DNAJC2: variants seen among roughly 807,000 people sequenced by gnomAD.
The protein encoded by DNAJC2 is dnaJ homolog subfamily C member 2.
DNAJC2 carries 32 observed loss-of-function variants against 94.0 expected under a neutral mutation model. That is an observed-to-expected ratio of 0.34 (90% confidence interval 0.26 to 0.46). The LOEUF (loss-of-function observed/expected upper bound fraction) is 0.46, where lower values mean the gene tolerates loss of function less well. DNAJC2 is among the 20% of genes least tolerant of loss of function. The probability of loss-of-function intolerance (pLI) is 1.00; values close to 1 mark genes in which losing one functional copy is unlikely to be tolerated. For synonymous variants in DNAJC2, 210 were observed against 229.7 expected, an observed-to-expected ratio of 0.91 and a Z score of 0.77; for missense variants, 550 against 719.5, an observed-to-expected ratio of 0.76 and a Z score of 2.69.
In DNAJC2 at chr7:103,319,774, T is replaced by A; in HGVS notation, c.1154A>T (p.Asp385Val). ...KMMEEVEKLCDRLELASLQCL... is the reference protein window; with the variant it reads ...KMMEEVEKLCVRLELASLQCL... ...GGTATACCTTGCCAGTTCAAGCCGA[T>A]CACAAAGTTTTTCCACTTCTTCCAT... The change falls in exon 11 of 17, where the codon GAT (aspartate) becomes GTT (valine). Residue 385 changes from aspartate (D) to valine (V), a missense_variant. By Grantham distance (152) the Asp-to-Val change is radical. Coordinates refer to ENST00000379263, the MANE Select transcript of DNAJC2 (RefSeq NM_014377.3). 1 of 1,614,176 alleles carries A rather than the reference T, an allele frequency of 6.2e-7. No individual in the cohort carries two copies. The highest frequency in any genetic ancestry group is 1.1e-5 in the South Asian group (1 of 91,088).
chr7:103,315,772 C>G lies in DNAJC2; in HGVS notation c.1628G>C (p.Arg543Pro), dbSNP rs758912278. The part of the protein sequence containing the change: ...PQADNATPSE[R>P]FEGPYTDFTP... ...AGAAAAGCAAAATTTACCTTCAAAT[C>G]GTTCTGAAGGCGTTGCGTTGTCTGC... is the stretch of plus-strand genomic sequence containing the variant. Residue 543 changes from arginine to proline, a missense_variant, in exon 15 of 17, where the codon CGA (arginine) becomes CCA (proline). This residue lies in a region of DNAJC2 where 271 missense variants were observed against 302.6 expected (regional missense o/e 0.90). Coordinates refer to ENST00000379263, the MANE Select transcript of DNAJC2 (RefSeq NM_014377.3). The G allele has an allele frequency of 1.9e-6, 3 of 1,612,820 alleles. No homozygotes were observed. Among genetic ancestry groups the G allele is most frequent in the Non-Finnish European group, 2.5e-6 (3 of 1,179,244 alleles).
intron 10 of DNAJC2, among the ~76,000 whole-genome samples, chr7:103,321,629 C>T (rs1818420798): frequency 6.6e-6 from 1 of 151,616 alleles, no homozygotes; most frequent in African/African-American, 2.4e-5. Context: ...GGGGAGATCA[C>T]TTGAGGTCAG....
intron 1 of DNAJC2, among the ~76,000 whole-genome samples, chr7:103,342,755 C>T (rs1229559770): frequency 6.6e-6 from 1 of 151,172 alleles, no homozygotes; most frequent in Non-Finnish European, 1.5e-5. Context: ...ACTACAGGCA[C>T]CCGCCACCAC....
chr7:103,328,632 AAAAG>A (rs1171497206), intron 3 of DNAJC2, among the ~76,000 whole-genome samples: 1 of 149,460 alleles, frequency 6.7e-6, no homozygotes, highest in African/African-American at 2.6e-5. Flanking sequence ...CTCTGTGTCA[AAAAG>A]AAGAAGAAGA....
At position 103,322,803 on chromosome 7, in the gene DNAJC2, T is replaced by C. The variant is rs369882464; in HGVS notation, c.720-9A>G. 103 of 1,595,836 alleles carry C rather than the reference T, an allele frequency of 6.5e-5. No homozygotes were observed. The highest frequency in any genetic ancestry group is 1.9e-4 in the African/African-American group (14 of 74,782). On this transcript the variant is annotated splice_polypyrimidine_tract_variant and intron_variant, in intron 7 of 16. Transcript: ENST00000379263. ...ATCTCCTCTCATCACGACTATAAAA[T>C]AGAAAATATTGGAAACAAACTACTG...
chr7:103,337,968 T>G (rs142739121), intron 2 of DNAJC2, among the ~76,000 whole-genome samples, 157 bp from the exon 3 acceptor site: 3 of 152,224 alleles, frequency 2.0e-5, no homozygotes, highest in Admixed American at 2.0e-4. Flanking sequence ...TCAGGTAAGG[T>G]TGAGAAATGT....
At chr7:103,333,174 A>T (rs1819041016) in intron 3 of DNAJC2, among the ~76,000 whole-genome samples, 1 of 152,100 alleles carries the variant, frequency 6.6e-6, no homozygotes, top group African/African-American at 2.4e-5. Context: ...GTATTTGTTT[A>T]TTCTTCTTAT....
chr7:103,320,656 A>G (rs1317905222), intron 10 of DNAJC2, among the ~76,000 whole-genome samples: 3 of 150,992 alleles, frequency 2.0e-5, no homozygotes, highest in Non-Finnish European at 4.4e-5. Context: ...AGGCAGGAGC[A>G]TGGCGTGAAC....
chr7:103,344,279 G>A (rs1819510098), intron 1 of DNAJC2: 1 of 522,376 alleles, frequency 1.9e-6, no homozygotes, highest in Admixed American at 3.5e-5. Context: ...GGGTGCTGGG[G>A]GGTTCCGTCC....
chr7:103,319,786 T>G lies in DNAJC2; in HGVS notation c.1142A>C (p.Glu381Ala). ...CAGTTCAAGCCGATCACAAAGTTTT[T>G]CCACTTCTTCCATCATTTTAACCCG... is the stretch of plus-strand genomic sequence containing the variant. ...AERVKMMEEV[E>A]KLCDRLELAS... The change falls in exon 11 of 17, where the codon GAA (glutamate) becomes GCA (alanine). Residue 381 changes from glutamate to alanine, a missense_variant. Physicochemically the swap from Glu to Ala is moderately radical, Grantham distance 107 (BLOSUM62 -1). This residue lies in a region of DNAJC2 where 271 missense variants were observed against 302.6 expected (regional missense o/e 0.90). Coordinates refer to ENST00000379263, the MANE Select transcript of DNAJC2 (RefSeq NM_014377.3). 6.2e-7 allele frequency: 1 copy of G among 1,614,194 alleles called. No individual in the cohort carries two copies. Among genetic ancestry groups the G allele is most frequent in the Non-Finnish European group, 8.5e-7 (1 of 1,180,038 alleles).
At position 103,312,551 on chromosome 7, in the gene DNAJC2, C is replaced by G; in HGVS notation, c.*18G>C. 1.3e-6 allele frequency: 2 copies of G among 1,599,730 alleles called. No individual in the cohort carries two copies. The highest frequency in any genetic ancestry group is 1.7e-6 in the Non-Finnish European group (2 of 1,176,034). On this transcript the variant is annotated 3_prime_UTR_variant, in exon 17 of 17. Coordinates refer to ENST00000379263, the MANE Select transcript of DNAJC2 (RefSeq NM_014377.3). ...TATTTTCAGTTTTATTATAAAAATGCACACACAACAAAGATTGTCATTTCT... is the reference window on the plus strand; with the variant it reads ...TATTTTCAGTTTTATTATAAAAATGGACACACAACAAAGATTGTCATTTCT...
intron 3 of DNAJC2, chr7:103,329,045 A>G (rs970549052): frequency 3.3e-6 from 4 of 1,202,448 alleles, no homozygotes; most frequent in Middle Eastern, 4.5e-4. Context: ...CAGCCACAGT[A>G]CGTCTAATTA....
chr7:103,340,010 G>C (rs530758711), intron 2 of DNAJC2, among the ~76,000 whole-genome samples: 1 of 152,140 alleles, frequency 6.6e-6, no homozygotes, highest in African/African-American at 2.4e-5. Flanking sequence ...GGCTAATTTT[G>C]TATTTTTAGT....
intron 15 of DNAJC2, chr7:103,313,385 C>A (rs948095120): frequency 9.1e-7 from 1 of 1,101,596 alleles, no homozygotes; most frequent in Non-Finnish European, 1.1e-6. Context: ...AATACACTCA[C>A]CAGACTGGTA....
intron 15 of DNAJC2, 140 bp downstream of exon 15, chr7:103,315,624 C>A (rs961602015): frequency 4.9e-5 from 28 of 573,936 alleles, no homozygotes; most frequent in Middle Eastern, 3.8e-4. Context: ...AATCTTTGCC[C>A]TGGAAATGTT....
intron 12 of DNAJC2, among the ~76,000 whole-genome samples, chr7:103,317,607 A>T (rs572478470): frequency 2.0e-5 from 3 of 152,128 alleles, no homozygotes; most frequent in South Asian, 4.2e-4. Flanking sequence ...ACCTTGAAAA[A>T]TTTTTTTGAT....
chr7:103,340,348 G>T (rs139666323), intron 2 of DNAJC2, among the ~76,000 whole-genome samples: 4 of 152,246 alleles, frequency 2.6e-5, no homozygotes, highest in African/African-American at 7.2e-5. Flanking sequence ...AATGGATGAG[G>T]TGGTGGGAGA....
At position 103,319,930 on chromosome 7, in the gene DNAJC2, G is replaced by A. The variant is rs552780373; in HGVS notation, c.1084-86C>T. 3.3e-5 allele frequency: 47 copies of A among 1,431,664 alleles called. 1 individual carries two copies. In the Middle Eastern group the frequency reaches 2.7e-3, roughly 81 times the overall value. 88.7% of individuals were successfully genotyped at this position (1,431,664 alleles called of 1,614,324 possible). A position where few individuals can be genotyped will look rare whatever the true frequency, so the allele number is the denominator to read the frequency against. On this transcript the variant is annotated intron_variant, in intron 10 of 16. Transcript: ENST00000379263. ...CAAAGCTGTAATCCCAGCTACTCGG[G>A]AGGCTGAGGCAGGAGAATCGCTTGA...
intron 2 of DNAJC2, 26 bp downstream of exon 2, chr7:103,341,738 G>T: frequency 1.3e-6 from 2 of 1,512,904 alleles, no homozygotes; most frequent in South Asian, 1.3e-5. Context: ...GCATCTGACT[G>T]AACAAAATAT....
Sources: allele counts gnomAD v4.1 joint callset (sites outside exome capture counted in the v4.1 genomes callset), GRCh38; gene constraint gnomAD v4.1.1; regional missense constraint gnomAD v4.1.1; transcripts MANE v1.5; gene names NCBI Gene and HGNC (gene_info 2026-07-23, HGNC 2026-07-21).